Variants in UMAD1 observed in about 807,000 individuals in gnomAD.
UMAD1 encodes the protein UBAP1-MVB12-associated (UMA)-domain containing protein 1.
UMAD1 carries 8 observed loss-of-function variants against 6.1 expected under a neutral mutation model. The ratio of observed to expected loss-of-function variants is 1.30; its 90% CI spans 0.76 to 2.35. The LOEUF is 2.35. Ranked by LOEUF, UMAD1 falls within the 30% of genes most tolerant of loss-of-function variation. UMAD1 has a pLI of 0.00. For missense variants in UMAD1, 130 were observed against 78.4 expected, an observed-to-expected ratio of 1.66 and a Z score of -2.49; for synonymous variants, 56 against 31.4, an observed-to-expected ratio of 1.78 and a Z score of -2.61.
chr7:7,808,637 T>A (rs1422354788), intron 3 of UMAD1, among the ~76,000 whole-genome samples: 1 of 151,992 alleles, frequency 6.6e-6, no homozygotes, highest in Non-Finnish European at 1.5e-5. Flanking sequence ...GAACTTAAAT[T>A]TCTTGTATTT....
intron 3 of UMAD1, among the ~76,000 whole-genome samples, chr7:7,818,550 C>T (rs1210190234): frequency 6.6e-6 from 1 of 152,150 alleles, no homozygotes; most frequent in Non-Finnish European, 1.5e-5. Context: ...AAAGAGAATG[C>T]TTATATACTG....
rs1463949587 is a variant in UMAD1 at position 7,847,101 on chromosome 7, AAAAATATATATATATATATATAT to A, written c.157-30178_157-30156del. ...AGACAGCAATGCAAAAAAAAAAAAA[AAAAATATATATATATATATATAT>A]ATATATATATATATATATATATATA... On this transcript the variant is annotated intron_variant, in intron 3 of 3. Coordinates refer to ENST00000682710, the MANE Select transcript of UMAD1 (RefSeq NM_001302348.2). Among the ~76,000 whole-genome samples the A allele has an allele frequency of 5.9e-3, 189 of 32,178 alleles. 13 individuals are homozygous for A. The highest frequency in any genetic ancestry group is 0.039 in the East Asian group (35 of 906). 21.1% of individuals were successfully genotyped at this position (32,178 alleles called of 152,430 possible).
chr7:7,674,432 C>A (rs1471405137), intron 2 of UMAD1, among the ~76,000 whole-genome samples: 1 of 152,172 alleles, frequency 6.6e-6, no homozygotes, highest in Non-Finnish European at 1.5e-5. Context: ...ATAAACTTTA[C>A]TATAGAATTT....
intron 2 of UMAD1, among the ~76,000 whole-genome samples, chr7:7,751,637 T>G (rs1188162399): frequency 6.6e-6 from 1 of 152,132 alleles, no homozygotes; most frequent in Non-Finnish European, 1.5e-5. Context: ...CTCCTGGGCT[T>G]GAGCCAAGGA....
chr7:7,806,682 A>C (rs999516672), intron 3 of UMAD1, among the ~76,000 whole-genome samples: 1 of 152,164 alleles, frequency 6.6e-6, no homozygotes, highest in Non-Finnish European at 1.5e-5. Flanking sequence ...GTTAATTTAC[A>C]TTATTTTTGG....
chr7:7,698,319 T>G (rs1459791716), intron 2 of UMAD1, among the ~76,000 whole-genome samples: 1 of 152,206 alleles, frequency 6.6e-6, no homozygotes, highest in Non-Finnish European at 1.5e-5. Flanking sequence ...ATTTTTTTAG[T>G]GCTTTTTAAA....
At chr7:7,689,632 T>C (rs1780126417) in intron 2 of UMAD1, among the ~76,000 whole-genome samples, 1 of 152,178 alleles carries the variant, frequency 6.6e-6, no homozygotes, top group Non-Finnish European at 1.5e-5. Context: ...TTCATGGAAA[T>C]GTATTTATAT....
Position 7,662,630 on chromosome 7 carries a change from C to T in UMAD1, c.-63-10679C>T, listed in dbSNP as rs1785504179. ...ACACCCCACCCTGTTTCTGTTCGCC[C>T]TCCTTGGGCTGCACCCACTGTCTAA... On this transcript the variant is annotated intron_variant, in intron 1 of 3. Coordinates refer to ENST00000682710, the MANE Select transcript of UMAD1 (RefSeq NM_001302348.2). Among the ~76,000 whole-genome samples, 4 of 152,280 alleles carry T rather than the reference C, an allele frequency of 2.6e-5. No individual in the cohort carries two copies. In the South Asian group the frequency reaches 8.3e-4, roughly 32 times the overall value.
intron 2 of UMAD1, among the ~76,000 whole-genome samples, chr7:7,711,943 C>T (rs184730021): frequency 2.6e-5 from 4 of 152,176 alleles, no homozygotes; most frequent in Non-Finnish European, 4.4e-5. Flanking sequence ...TGTGGTATAG[C>T]GATCCGATTT....
At chr7:7,731,599 C>T (rs144193040) in intron 2 of UMAD1, among the ~76,000 whole-genome samples, 5 of 151,452 alleles carry the variant, frequency 3.3e-5, no homozygotes, top group Middle Eastern at 3.4e-3. Flanking sequence ...TAAGTTAATT[C>T]GCTTATGGTA....
intron 1 of UMAD1, among the ~76,000 whole-genome samples, chr7:7,667,379 A>G (rs79343990): frequency 0.018 from 2,804 of 152,334 alleles, 89 homozygotes; most frequent in African/African-American, 0.064. Context: ...TGTCAAGGCC[A>G]TGCATATCAG....
intron 1 of UMAD1, among the ~76,000 whole-genome samples, chr7:7,646,993 T>C (rs1785111654): frequency 6.6e-6 from 1 of 152,198 alleles, no homozygotes; most frequent in Non-Finnish European, 1.5e-5. Context: ...ACCCCACCCT[T>C]CTGCCGCTTG....
chr7:7,748,123 T>C (rs1781609228), intron 2 of UMAD1, among the ~76,000 whole-genome samples: 1 of 151,540 alleles, frequency 6.6e-6, no homozygotes, highest in Non-Finnish European at 1.5e-5. Context: ...TTTTTGTATT[T>C]TCAGTAGAGA....
chr7:7,859,819 A>G (rs1335355122), intron 3 of UMAD1, among the ~76,000 whole-genome samples: 2 of 152,232 alleles, frequency 1.3e-5, no homozygotes, highest in Non-Finnish European at 1.5e-5. Context: ...TTGATTATCC[A>G]TTAATCAACT....
At chr7:7,759,303 T>A (rs902579350) in intron 2 of UMAD1, among the ~76,000 whole-genome samples, 1 of 152,210 alleles carries the variant, frequency 6.6e-6, no homozygotes, top group Non-Finnish European at 1.5e-5. Flanking sequence ...TCTACAGGAA[T>A]TACAACTGCT....
chr7:7,642,411 T>G (rs1784995224), intron 1 of UMAD1, among the ~76,000 whole-genome samples: 1 of 151,450 alleles, frequency 6.6e-6, no homozygotes, highest in Admixed American at 6.6e-5. Context: ...CTCCCCCGTC[T>G]CCCTCCCAAA....
chr7:7,654,512 T>C (rs1421939975), intron 1 of UMAD1, among the ~76,000 whole-genome samples: 2 of 152,240 alleles, frequency 1.3e-5, no homozygotes, highest in Non-Finnish European at 2.9e-5. Flanking sequence ...GTGCCTTTTA[T>C]TAAATGGTAT....
chr7:7,670,738 A>C (rs4140803), intron 1 of UMAD1, among the ~76,000 whole-genome samples: 140,766 of 152,212 alleles, frequency 0.92, 65,198 homozygotes, highest in African/African-American at 0.98. Context: ...CCCCTCCTTT[A>C]CCCTTACACC....
intron 2 of UMAD1, among the ~76,000 whole-genome samples, chr7:7,714,277 G>T (rs771259567): frequency 6.6e-6 from 1 of 152,288 alleles, no homozygotes; most frequent in Non-Finnish European, 1.5e-5. Context: ...TAAATCCTTG[G>T]ATGTTGACAG....
Sources: gnomAD v4.1 joint callset for allele counts (sites outside exome capture counted in the v4.1 genomes callset) on GRCh38, gnomAD v4.1.1 for gene constraint, MANE v1.5 for transcripts, NCBI Gene and HGNC (gene_info 2026-07-23, HGNC 2026-07-21) for gene names.